Variants in MAST4 observed in about 807,000 individuals in gnomAD.
MAST4 encodes microtubule associated serine/threonine kinase family member 4.
MAST4 carries 89 observed loss-of-function variants against 162.7 expected under a neutral mutation model. The observed-to-expected ratio is 0.55, with a 90% confidence interval of 0.46 to 0.65. The LOEUF is 0.65. MAST4 is among the 30% of genes least tolerant of loss of function. The pLI, the probability that MAST4 is intolerant of heterozygous loss-of-function variation, is 0.00. For missense variants in MAST4, 3,153 were observed against 3,374.0 expected (o/e 0.93, Z 1.62); for synonymous variants, 1,479 against 1,361.1 (o/e 1.09, Z -1.91).
At chr5:66,692,585 C>G (rs771982849) in intron 1 of MAST4, among the ~76,000 whole-genome samples, 6 of 152,130 alleles carry the variant, frequency 3.9e-5, no homozygotes, top group Non-Finnish European at 7.4e-5. Context: ...CATCAGAACA[C>G]TTAAGCTAGT....
At chr5:66,828,737 T>G (rs915318814) in intron 3 of MAST4, 4 of 1,506,396 alleles carry the variant, frequency 2.7e-6, no homozygotes, top group Non-Finnish European at 2.7e-6. Context: ...AGCTAGAGCG[T>G]GATGTAAGTG....
intron 3 of MAST4, among the ~76,000 whole-genome samples, chr5:66,813,170 T>C (rs1467705192): frequency 1.3e-5 from 2 of 152,224 alleles, no homozygotes; most frequent in Non-Finnish European, 2.9e-5. Context: ...TATTAACTTT[T>C]TATCACTTTG....
chr5:66,977,330 A>G (rs942441860), intron 4 of MAST4, among the ~76,000 whole-genome samples: 3 of 151,446 alleles, frequency 2.0e-5, no homozygotes, highest in East Asian at 1.9e-4. Context: ...TTAACTCCCA[A>G]CCTCAGGTGA....
chr5:66,800,261 A>T (rs1265488401), intron 3 of MAST4, among the ~76,000 whole-genome samples: 1 of 152,208 alleles, frequency 6.6e-6, no homozygotes, highest in African/African-American at 2.4e-5. Flanking sequence ...AGTTTAAGAG[A>T]TGATGCCTTT....
chr5:67,144,995 CT>C lies in MAST4; in HGVS notation c.2859-148del, dbSNP rs1402758854. The C allele has an allele frequency of 9.1e-6, 8 of 878,454 alleles. No homozygotes were observed. The East Asian group carries it at 1.9e-4, about 20-fold the overall frequency. 54.4% of individuals were successfully genotyped at this position (878,454 alleles called of 1,614,324 possible). On this transcript the variant is annotated intron_variant, in intron 22 of 28. Transcript: ENST00000403625. The stretch of plus-strand genomic sequence containing the variant: ...TATCTAGATTATGCAGATGTTGCTG[CT>C]GTGGGTACCACACATTAAGAACCAT...
intron 6 of MAST4, 89 bp from the exon 7 acceptor site, chr5:67,095,508 T>C: frequency 2.1e-6 from 2 of 953,456 alleles, no homozygotes; most frequent in Non-Finnish European, 3.2e-6. Context: ...GTTTGTGTCA[T>C]TTGTTTGACT....
At chr5:66,748,930 A>C (rs1752959977) in intron 1 of MAST4, among the ~76,000 whole-genome samples, 1 of 152,090 alleles carries the variant, frequency 6.6e-6, no homozygotes, top group Non-Finnish European at 1.5e-5. Context: ...GACTCAATCT[A>C]TAGTTAGATT....
intron 1 of MAST4, among the ~76,000 whole-genome samples, chr5:66,613,048 A>AC (rs1743397608): frequency 6.6e-6 from 1 of 152,130 alleles, no homozygotes; most frequent in Admixed American, 6.5e-5. Context: ...AAAGATTTGT[A>AC]TCTTGCTAGG....
At chr5:67,135,704 TG>T (rs1769545903) in intron 18 of MAST4, among the ~76,000 whole-genome samples, 1 of 152,232 alleles carries the variant, frequency 6.6e-6, no homozygotes, top group Non-Finnish European at 1.5e-5. Flanking sequence ...AAGGCCTGAA[TG>T]GCAAAGGGAA....
At chr5:67,121,632 G>C (rs1027589558) in intron 14 of MAST4, among the ~76,000 whole-genome samples, 1 of 150,686 alleles carries the variant, frequency 6.6e-6, no homozygotes, top group Non-Finnish European at 1.5e-5. Context: ...GAACTGTCTC[G>C]GGCCACACAT....
intron 1 of MAST4, among the ~76,000 whole-genome samples, chr5:66,711,441 C>G (rs1340956416): frequency 6.6e-6 from 1 of 152,124 alleles, no homozygotes; most frequent in Non-Finnish European, 1.5e-5. Flanking sequence ...GGCATGTGGC[C>G]CCTTCTTCCA....
At chr5:66,834,766 A>T (rs939313270) in intron 3 of MAST4, among the ~76,000 whole-genome samples, 1 of 152,196 alleles carries the variant, frequency 6.6e-6, no homozygotes, top group Admixed American at 6.5e-5. Flanking sequence ...CTCTCCAATC[A>T]GACTCTTAAT....
intron 1 of MAST4, among the ~76,000 whole-genome samples, chr5:66,695,995 A>G (rs948765130): frequency 6.6e-6 from 1 of 152,226 alleles, no homozygotes; most frequent in African/African-American, 2.4e-5. Flanking sequence ...AATGTGGTAC[A>G]TGTACACCAT....
At chr5:66,921,785 G>C (rs543301890) in intron 4 of MAST4, among the ~76,000 whole-genome samples, 2 of 152,072 alleles carry the variant, frequency 1.3e-5, no homozygotes, top group African/African-American at 4.8e-5. Flanking sequence ...CAAGATCAAT[G>C]TTTTGCATGC....
chr5:66,600,300 C>T (rs1276693412), intron 1 of MAST4, among the ~76,000 whole-genome samples: 2 of 152,128 alleles, frequency 1.3e-5, no homozygotes, highest in African/African-American at 2.4e-5. Context: ...ATTTGGGGTC[C>T]GTGTGTGTTG....
intron 2 of MAST4, among the ~76,000 whole-genome samples, chr5:66,786,331 C>A (rs1186375587): frequency 6.6e-6 from 1 of 151,240 alleles, no homozygotes; most frequent in Non-Finnish European, 1.5e-5. Flanking sequence ...GGAGGCAGAA[C>A]AACAGTGAGG....
chr5:67,041,661 C>T (rs963845109), intron 4 of MAST4, among the ~76,000 whole-genome samples: 2 of 152,184 alleles, frequency 1.3e-5, no homozygotes, highest in East Asian at 1.9e-4. Flanking sequence ...CAAAGTCTTG[C>T]TCTGTTGCCC....
At chr5:66,746,324 T>C (rs191575109) in intron 1 of MAST4, among the ~76,000 whole-genome samples, 32 of 152,306 alleles carry the variant, frequency 2.1e-4, no homozygotes, top group African/African-American at 7.2e-4. Context: ...AGGTTGACTT[T>C]CCAAAGCTTT....
intron 3 of MAST4, among the ~76,000 whole-genome samples, chr5:66,791,980 A>G (rs1755433140): frequency 6.6e-6 from 1 of 152,038 alleles, no homozygotes; most frequent in Admixed American, 6.5e-5. Context: ...CATGTTAGTG[A>G]CCTTTCCTGC....
Sources: allele counts gnomAD v4.1 joint callset (sites outside exome capture counted in the v4.1 genomes callset), GRCh38; gene constraint gnomAD v4.1.1; transcripts MANE v1.5; gene names NCBI Gene and HGNC (gene_info 2026-07-23, HGNC 2026-07-21).